SLC23A2: variants seen among roughly 807,000 people sequenced by gnomAD.
The protein encoded by SLC23A2 is Na(+)/L-ascorbic acid transporter 2.
A neutral mutation model predicts 73.3 loss-of-function variants in SLC23A2; 36 were observed. The ratio of observed to expected loss-of-function variants is 0.49; its 90% CI spans 0.38 to 0.65. The LOEUF is 0.65. Ranked by LOEUF, SLC23A2 falls within the 30% of genes least tolerant of loss-of-function variation. The pLI is 0.00. For missense variants in SLC23A2, 507 were observed against 841.6 expected, an observed-to-expected ratio of 0.60 and a Z score of 4.92; for synonymous variants, 343 against 327.3, an observed-to-expected ratio of 1.05 and a Z score of -0.52.
chr20:4,939,442 A>G (rs1399039230), intron 2 of SLC23A2, among the ~76,000 whole-genome samples: 1 of 152,252 alleles, frequency 6.6e-6, no homozygotes, highest in Non-Finnish European at 1.5e-5. Flanking sequence ...AGTCCAAATT[A>G]TAACTACATC....
At chr20:4,906,153 C>T (rs1316119724) in intron 4 of SLC23A2, among the ~76,000 whole-genome samples, 1 of 152,128 alleles carries the variant, frequency 6.6e-6, no homozygotes, top group Non-Finnish European at 1.5e-5. Flanking sequence ...GTCTGGGCAA[C>T]AGACAGAGAC....
intron 3 of SLC23A2, among the ~76,000 whole-genome samples, chr20:4,915,837 A>T (rs1347323871): frequency 2.0e-5 from 3 of 152,200 alleles, no homozygotes; most frequent in African/African-American, 7.2e-5. Flanking sequence ...AATCCCAGCT[A>T]CTTGAGAGGA....
At chr20:4,904,868 C>T (rs1931879041) in intron 4 of SLC23A2, among the ~76,000 whole-genome samples, 1 of 152,094 alleles carries the variant, frequency 6.6e-6, no homozygotes, top group Non-Finnish European at 1.5e-5. Flanking sequence ...ATCTGTAATT[C>T]CAGCACCTGC....
rs530285024 is a variant in SLC23A2 at position 4,961,414 on chromosome 20, G to A, written c.-155+9379C>T. On this transcript the variant is annotated intron_variant, in intron 2 of 16. Transcript: ENST00000338244. Reference sequence around the variant, plus strand: ...TTTTTTAATTACAAATAAATTTTACGCCCTCTTTATCTCCAATCCCCCAGA... The same window carrying A: ...TTTTTTAATTACAAATAAATTTTACACCCTCTTTATCTCCAATCCCCCAGA... Among the ~76,000 whole-genome samples, 6 of 152,060 alleles carry A rather than the reference G, an allele frequency of 3.9e-5. No homozygotes were observed. The South Asian group carries it at 8.3e-4, about 21-fold the overall frequency.
chr20:4,973,390 G>A (rs376835719), intron 1 of SLC23A2, among the ~76,000 whole-genome samples: 2 of 152,158 alleles, frequency 1.3e-5, no homozygotes, highest in East Asian at 1.9e-4. Flanking sequence ...ATGGGGAAGC[G>A]AAAGTACTAT....
upstream of SLC23A2, among the ~76,000 whole-genome samples, chr20:5,004,994 G>A (rs1053511825): frequency 8.1e-5 from 8 of 99,220 alleles, no homozygotes; most frequent in South Asian, 1.0e-3. Context: ...AATGAACTCC[G>A]TCTCAAAAAT....
chr20:4,867,223 C>T (rs1239964254), intron 13 of SLC23A2, among the ~76,000 whole-genome samples: 1 of 152,132 alleles, frequency 6.6e-6, no homozygotes, highest in Non-Finnish European at 1.5e-5. Flanking sequence ...CACTGGCCTC[C>T]TTGCTGACCT....
intron 2 of SLC23A2, among the ~76,000 whole-genome samples, chr20:4,964,167 C>G (rs2087436737): frequency 6.6e-6 from 1 of 151,958 alleles, no homozygotes. Context: ...ACTAATTTTT[C>G]TATTTTTGGT....
At chr20:4,921,971 A>G (rs1030850709) in intron 3 of SLC23A2, among the ~76,000 whole-genome samples, 1 of 152,206 alleles carries the variant, frequency 6.6e-6, no homozygotes, top group African/African-American at 2.4e-5. Context: ...GAATGTGACA[A>G]CTGAGTGATT....
At chr20:4,991,480 T>C (rs1334634389) in intron 1 of SLC23A2, among the ~76,000 whole-genome samples, 1 of 151,944 alleles carries the variant, frequency 6.6e-6, no homozygotes, top group Non-Finnish European at 1.5e-5. Context: ...TCCCAGCACT[T>C]TGGGAGGCCG....
Position 4,857,032 on chromosome 20 carries a change from T to C in SLC23A2, c.1893A>G (p.Lys631=). Residue 631 remains lysine (K), a synonymous_variant, in exon 17 of 17, where the codon AAA becomes AAG. Coordinates refer to ENST00000338244, the MANE Select transcript of SLC23A2 (RefSeq NM_005116.6). The surrounding 1 kb of genome is among the most constrained non-coding windows in gnomAD (Gnocchi z 4.0). ...GGCTGTTGTCGCTCTTCCTGAGGCC[T>C]TTCCATGTGTAGCCCACAAAGGTTG... ...ISPTFVGYTW[K]GLRKSDNSRS... is the part of the protein sequence containing the mutation. 6.2e-7 allele frequency: 1 copy of C among 1,614,178 alleles called. No homozygotes were observed. The highest frequency in any genetic ancestry group is 8.5e-7 in the Non-Finnish European group (1 of 1,180,006).
At chr20:4,942,157 A>G (rs574634397) in intron 2 of SLC23A2, among the ~76,000 whole-genome samples, 1 of 152,316 alleles carries the variant, frequency 6.6e-6, no homozygotes, top group South Asian at 2.1e-4. Context: ...ATGTAATGCA[A>G]GCAAATCAAT....
At position 4,886,088 on chromosome 20, in the gene SLC23A2, GCTT is replaced by G. The variant is rs932869702; in HGVS notation, c.483-182_483-180del. ...CTGTGCCATGCAGCCACAGCCAGTGGCTTCTTCATCCTCCCCATTGCCACTCTC... is the reference window on the plus strand; with the variant it reads ...CTGTGCCATGCAGCCACAGCCAGTGGCTTCATCCTCCCCATTGCCACTCTC... On this transcript the variant is annotated intron_variant, in intron 6 of 16. Transcript: ENST00000338244. 2.1e-5 allele frequency: 11 copies of G among 524,696 alleles called. No individual in the cohort carries two copies. In the African/African-American group the frequency reaches 2.2e-4, roughly 10 times the overall value. 32.5% of individuals were successfully genotyped at this position (524,696 alleles called of 1,614,324 possible). A position where few individuals can be genotyped will look rare whatever the true frequency, so the allele number is the denominator to read the frequency against.
intron 3 of SLC23A2, 116 bp from the exon 4 acceptor site, chr20:4,913,094 A>G (rs1265687062): frequency 8.3e-6 from 6 of 725,562 alleles, no homozygotes; most frequent in Non-Finnish European, 1.5e-5. Flanking sequence ...TGATGGAGAA[A>G]CATACTCCAT....
At chr20:4,940,294 G>C (rs2087020550) in intron 2 of SLC23A2, among the ~76,000 whole-genome samples, 1 of 151,880 alleles carries the variant, frequency 6.6e-6, no homozygotes, top group Non-Finnish European at 1.5e-5. Context: ...CAGCCTGGGT[G>C]GCAGAGTGAG....
chr20:4,887,590 G>T (rs918319603), intron 6 of SLC23A2, among the ~76,000 whole-genome samples: 2 of 152,168 alleles, frequency 1.3e-5, no homozygotes, highest in Admixed American at 1.3e-4. Flanking sequence ...ATCCGACCTG[G>T]GCACCTTTCA....
At chr20:4,906,542 C>G (rs948975282) in intron 4 of SLC23A2, among the ~76,000 whole-genome samples, 2 of 152,124 alleles carry the variant, frequency 1.3e-5, no homozygotes, top group Non-Finnish European at 2.9e-5. Flanking sequence ...ATCGCTTCAA[C>G]CCAGGAGGCA....
intron 8 of SLC23A2, among the ~76,000 whole-genome samples, chr20:4,884,421 C>T (rs766186695): frequency 6.6e-5 from 10 of 152,168 alleles, no homozygotes; most frequent in African/African-American, 1.9e-4. Flanking sequence ...GAGGCCAGAG[C>T]GAACAATTCT....
intron 1 of SLC23A2, among the ~76,000 whole-genome samples, chr20:4,995,818 G>A (rs566711865): frequency 6.6e-5 from 10 of 152,286 alleles, no homozygotes; most frequent in African/African-American, 2.4e-4. Context: ...TTAATACCCA[G>A]CCCACAGGGC....
Sources: allele counts gnomAD v4.1 joint callset (sites outside exome capture counted in the v4.1 genomes callset), GRCh38; gene constraint gnomAD v4.1.1; non-coding constraint Gnocchi (gnomAD v3.1); transcripts MANE v1.5; gene names NCBI Gene and HGNC (gene_info 2026-07-23, HGNC 2026-07-21).